The following STK3 variants were observed in gnomAD, a reference collection of about 807,000 sequenced individuals.
STK3 encodes serine/threonine kinase 3.
In STK3, 41 loss-of-function variants were observed where a neutral mutation model predicts 58.0. That is an observed-to-expected ratio of 0.71 (90% confidence interval 0.55 to 0.92). STK3 has a LOEUF of 0.92. Among genes scored for constraint, STK3 ranks in the 40% least tolerant of loss-of-function variants. The probability of loss-of-function intolerance (pLI) is 0.00; values close to 1 mark genes in which losing one functional copy is unlikely to be tolerated. For synonymous variants in STK3, 170 were observed against 191.0 expected, an observed-to-expected ratio of 0.89 and a Z score of 0.91; for missense variants, 479 against 602.7, an observed-to-expected ratio of 0.79 and a Z score of 2.15.
At chr8:98,828,670 C>A (rs966923351), upstream of STK3, among the ~76,000 whole-genome samples, 2 of 151,916 alleles carry the variant, frequency 1.3e-5, no homozygotes, top group African/African-American at 4.8e-5. Flanking sequence ...AATAAATGAT[C>A]CCTGAATTGT....
intron 10 of STK3, among the ~76,000 whole-genome samples, chr8:98,483,621 A>G (rs1332654613): frequency 1.3e-5 from 2 of 152,220 alleles, no homozygotes; most frequent in Non-Finnish European, 1.5e-5. Context: ...ATTGATGTAC[A>G]ATCTGTCTGG....
intron 3 of STK3, among the ~76,000 whole-genome samples, chr8:98,870,372 T>G (rs140631064): frequency 0.046 from 7,048 of 152,310 alleles, 177 homozygotes; most frequent in African/African-American, 0.06. Context: ...ATGGGATGGC[T>G]GGGTCAAATG....
the STK3 span, among the ~76,000 whole-genome samples, chr8:98,353,232 G>T: frequency 6.6e-6 from 1 of 152,120 alleles, no homozygotes. Context: ...CTAGCAATTT[G>T]GTAGGCAGAG....
intron 10 of STK3, among the ~76,000 whole-genome samples, chr8:98,498,903 G>T (rs1823363858): frequency 6.6e-6 from 1 of 152,178 alleles, no homozygotes; most frequent in South Asian, 2.1e-4. Flanking sequence ...GAGATACCAT[G>T]TCCTAATCCC....
chr8:98,903,539 T>G (rs574658690), intron 1 of STK3, among the ~76,000 whole-genome samples: 6 of 28,368 alleles, frequency 2.1e-4, no homozygotes, highest in Non-Finnish European at 2.8e-4. Context: ...CTTCTTCTTC[T>G]TCTTCTTCTT....
At chr8:98,846,559 G>C (rs1349209542) in intron 3 of STK3, among the ~76,000 whole-genome samples, 1 of 152,056 alleles carries the variant, frequency 6.6e-6, no homozygotes, top group African/African-American at 2.4e-5. Flanking sequence ...TTGTTTTCTG[G>C]CAGATTATTT....
At chr8:98,629,641 C>T (rs1819029152) in intron 6 of STK3, among the ~76,000 whole-genome samples, 2 of 152,104 alleles carry the variant, frequency 1.3e-5, no homozygotes, top group Non-Finnish European at 2.9e-5. Flanking sequence ...ATTTTCCTGA[C>T]CAGACCAATG....
intron 10 of STK3, among the ~76,000 whole-genome samples, chr8:98,456,876 C>T (rs1819530665): frequency 6.6e-6 from 1 of 152,252 alleles, no homozygotes; most frequent in Non-Finnish European, 1.5e-5. Flanking sequence ...GATCCTTTTA[C>T]TCGCCATCCC....
At chr8:98,394,168 A>G (rs1230390029) in intron 3 of STK3, among the ~76,000 whole-genome samples, 1 of 152,208 alleles carries the variant, frequency 6.6e-6, no homozygotes, top group Non-Finnish European at 1.5e-5. Context: ...TGTAGCAAAC[A>G]GGAGCCCAGA....
chr8:98,866,944 T>G (rs554488042), intron 3 of STK3, among the ~76,000 whole-genome samples: 1 of 152,200 alleles, frequency 6.6e-6, no homozygotes, highest in African/African-American at 2.4e-5. Context: ...GAAGGCAACT[T>G]CTGGAAGAGG....
intron 3 of STK3, among the ~76,000 whole-genome samples, chr8:98,404,629 G>A (rs981747182): frequency 3.1e-4 from 46 of 146,672 alleles, no homozygotes; most frequent in African/African-American, 1.2e-3. Flanking sequence ...GCAGTGAGCC[G>A]AGATGGTGCC....
At chr8:98,734,896 A>G (rs1828458432) in intron 4 of STK3, among the ~76,000 whole-genome samples, 1 of 152,104 alleles carries the variant, frequency 6.6e-6, no homozygotes, top group Admixed American at 6.5e-5. Flanking sequence ...GAGTCACAGA[A>G]GGCCTATGGT....
chr8:98,802,558 CTA>C (rs1196213735), intron 1 of STK3, among the ~76,000 whole-genome samples: 3 of 152,042 alleles, frequency 2.0e-5, no homozygotes, highest in African/African-American at 7.2e-5. Context: ...CTTTGCTAAA[CTA>C]TGTTTAAAGT....
intron 10 of STK3, among the ~76,000 whole-genome samples, chr8:98,467,256 TA>T (rs1820540969): frequency 6.6e-6 from 1 of 152,150 alleles, no homozygotes; most frequent in Non-Finnish European, 1.5e-5. Context: ...CACCAGGTTA[TA>T]AATTCCATTT....
At chr8:98,685,368 G>A (rs569755697) in intron 6 of STK3, among the ~76,000 whole-genome samples, 236 of 152,262 alleles carry the variant, frequency 1.5e-3, no homozygotes, top group Middle Eastern at 6.8e-3. Flanking sequence ...GAATACAGAC[G>A]AAGAGTAGGA....
At chr8:98,923,867 G>A (rs995008644) in intron 1 of STK3, among the ~76,000 whole-genome samples, 8 of 134,332 alleles carry the variant, frequency 6.0e-5, no homozygotes, top group East Asian at 2.1e-4. Context: ...GCGCGCGCGC[G>A]CGCGCGCGCG....
chr8:98,693,938 TG>T (rs1460517758), intron 6 of STK3, among the ~76,000 whole-genome samples: 1 of 152,226 alleles, frequency 6.6e-6, no homozygotes, highest in East Asian at 1.9e-4. Context: ...GTTAACTAAG[TG>T]TTCACTCTTC....
intron 4 of STK3, among the ~76,000 whole-genome samples, chr8:98,741,743 A>G (rs932580091): frequency 1.8e-4 from 28 of 152,190 alleles, no homozygotes; most frequent in Non-Finnish European, 8.8e-5. Context: ...AATAACTAAA[A>G]TCGAACCAGA....
At chr8:98,615,217 G>A (rs1817594826) in intron 6 of STK3, among the ~76,000 whole-genome samples, 2 of 151,034 alleles carry the variant, frequency 1.3e-5, no homozygotes, top group African/African-American at 4.9e-5. Context: ...ACCTCACACG[G>A]CAGGGTATTC....
Sources: allele counts gnomAD v4.1 joint callset (sites outside exome capture counted in the v4.1 genomes callset), GRCh38; gene constraint gnomAD v4.1.1; transcripts MANE v1.5; gene names NCBI Gene and HGNC (gene_info 2026-07-23, HGNC 2026-07-21).